Variants in NBAS observed in about 807,000 individuals in gnomAD.
NBAS encodes NBAS subunit of NRZ tethering complex, also known as NAG/BC035112 fusion.
A neutral mutation model predicts 302.5 loss-of-function variants in NBAS; 219 were observed. That is an observed-to-expected ratio of 0.72 (90% CI 0.65 to 0.81). NBAS has a LOEUF of 0.81. Among genes scored for constraint, NBAS ranks in the 30% least tolerant of loss-of-function variants. NBAS has a pLI of 0.00. For missense variants in NBAS, 2,932 were observed against 2,841.6 expected, an observed-to-expected ratio of 1.03 and a Z score of -0.72; for synonymous variants, 1,118 against 1,021.6, an observed-to-expected ratio of 1.09 and a Z score of -1.80.
At chr2:15,251,239 T>C (rs938651007) in intron 44 of NBAS, among the ~76,000 whole-genome samples, 1 of 152,126 alleles carries the variant, frequency 6.6e-6, no homozygotes, top group South Asian at 2.1e-4. Flanking sequence ...TTCTCACTTA[T>C]AAGTGGGAGC....
At chr2:15,535,247 C>T (rs1014899822) in intron 8 of NBAS, among the ~76,000 whole-genome samples, 6 of 152,120 alleles carry the variant, frequency 3.9e-5, no homozygotes, top group Admixed American at 3.3e-4. Flanking sequence ...GTAGGCCAGG[C>T]GCAGTGGCTC....
At chr2:15,539,152 TC>T in intron 7 of NBAS, 70 bp downstream of exon 7, 1 of 1,589,820 alleles carries the variant, frequency 6.3e-7, no homozygotes, top group Non-Finnish European at 8.6e-7. Context: ...CCCTTCACAC[TC>T]TTTTATTCAA....
intron 38 of NBAS, among the ~76,000 whole-genome samples, chr2:15,323,148 T>C (rs1175248771): frequency 6.6e-6 from 1 of 152,134 alleles, no homozygotes; most frequent in Non-Finnish European, 1.5e-5. Context: ...TGCAAGCCCT[T>C]AAAATCCCAT....
At chr2:15,461,433 G>A in intron 20 of NBAS, 96 bp from the exon 21 acceptor site, 1 of 1,297,926 alleles carries the variant, frequency 7.7e-7, no homozygotes, top group Non-Finnish European at 1.1e-6. Flanking sequence ...TTTTTATGCA[G>A]CTCTGATATG....
At chr2:15,297,856 TTGTGTCTGTGTGTG>T (rs746786562) in intron 40 of NBAS, among the ~76,000 whole-genome samples, 5 of 152,156 alleles carry the variant, frequency 3.3e-5, no homozygotes, top group East Asian at 1.9e-4. Flanking sequence ...ATATATGTGC[TTGTGTCTGTGTGTG>T]TGTGTCTGTG....
chr2:15,043,751 T>A, the NBAS span, among the ~76,000 whole-genome samples: 1 of 152,154 alleles, frequency 6.6e-6, no homozygotes, highest in Non-Finnish European at 1.5e-5. Flanking sequence ...AAAACCTGGG[T>A]TCTAAGTCTA....
At chr2:15,466,936 C>CAAAA (rs35850907) in intron 19 of NBAS, among the ~76,000 whole-genome samples, 1 of 133,146 alleles carries the variant, frequency 7.5e-6, no homozygotes, top group African/African-American at 2.8e-5. Flanking sequence ...GATCCTATCT[C>CAAAA]AAAAAAAAAA....
At chr2:15,292,430 A>G in intron 41 of NBAS, 107 bp downstream of exon 41, 1 of 1,174,222 alleles carries the variant, frequency 8.5e-7, no homozygotes, top group South Asian at 1.3e-5. Context: ...ATTCATAGCA[A>G]CCATGAATGT....
chr2:15,001,606 T>TAA, the NBAS span, among the ~76,000 whole-genome samples: 4 of 152,320 alleles, frequency 2.6e-5, no homozygotes, highest in African/African-American at 9.6e-5. Flanking sequence ...CATATATATA[T>TAA]AATACTCTAA....
chr2:15,033,584 A>G, the NBAS span, among the ~76,000 whole-genome samples: 1 of 152,150 alleles, frequency 6.6e-6, no homozygotes, highest in Non-Finnish European at 1.5e-5. Context: ...CTAATTCACA[A>G]TGTGATGGTA....
At chr2:15,043,279 T>G in the NBAS span, among the ~76,000 whole-genome samples, 1 of 152,170 alleles carries the variant, frequency 6.6e-6, no homozygotes, top group Non-Finnish European at 1.5e-5. Flanking sequence ...CTGTGCGTCT[T>G]GGACCCCTGC....
At chr2:15,205,660 C>T (rs929080793) in intron 48 of NBAS, among the ~76,000 whole-genome samples, 1 of 152,246 alleles carries the variant, frequency 6.6e-6, no homozygotes, top group Middle Eastern at 3.4e-3. Flanking sequence ...ATAATCCCCA[C>T]ATTTTAGGGG....
chr2:14,977,570 C>T, the NBAS span, among the ~76,000 whole-genome samples: 3 of 152,196 alleles, frequency 2.0e-5, no homozygotes, highest in African/African-American at 7.2e-5. Context: ...TCACACTTCC[C>T]AAGCTATTTC....
At chr2:14,829,830 T>C in the NBAS span, among the ~76,000 whole-genome samples, 2 of 152,220 alleles carry the variant, frequency 1.3e-5, no homozygotes. Context: ...TCCGCATTCA[T>C]TTTTAGGAAA....
rs921610059 is a variant in NBAS, at chr2:15,190,514, G to T, written c.6433-111C>A. The T allele has an allele frequency of 1.3e-5, 17 of 1,298,990 alleles. No homozygotes were observed. In the Admixed American group the frequency reaches 1.7e-4, roughly 13 times the overall value. The allele number at this position is 1,298,990 out of a possible 1,614,324, so 80.5% of individuals were successfully genotyped here. A position where few individuals can be genotyped will look rare whatever the true frequency, so the allele number is the denominator to read the frequency against. The stretch of plus-strand genomic sequence containing the variant: ...TTTTTTTTAAAATGTTTTACAATGT[G>T]TTAAGATTCAACATCAGAAAAACAA... On this transcript the variant is annotated intron_variant, in intron 48 of 51. Transcript: ENST00000281513.
At chr2:14,929,670 TC>T in the NBAS span, among the ~76,000 whole-genome samples, 1 of 151,794 alleles carries the variant, frequency 6.6e-6, no homozygotes, top group Admixed American at 6.6e-5. Flanking sequence ...AAGCCACCAC[TC>T]CCAGTCCAAC....
chr2:15,450,518 G>A (rs149739980), intron 21 of NBAS, among the ~76,000 whole-genome samples: 6 of 152,126 alleles, frequency 3.9e-5, no homozygotes, highest in African/African-American at 1.4e-4. Flanking sequence ...CACATTTTAA[G>A]ATAGGTGTAT....
intron 47 of NBAS, among the ~76,000 whole-genome samples, chr2:15,221,098 A>T (rs1666930300): frequency 6.6e-6 from 1 of 152,236 alleles, no homozygotes; most frequent in Non-Finnish European, 1.5e-5. Flanking sequence ...AGAAATGGAA[A>T]CAATTAGGGT....
intron 31 of NBAS, among the ~76,000 whole-genome samples, chr2:15,369,881 C>G (rs1329488714): frequency 6.6e-6 from 1 of 152,194 alleles, no homozygotes; most frequent in Non-Finnish European, 1.5e-5. Flanking sequence ...TAACCAGCCA[C>G]CTATATTCCA....
Sources: gnomAD v4.1 joint callset for allele counts (sites outside exome capture counted in the v4.1 genomes callset) on GRCh38, gnomAD v4.1.1 for gene constraint, MANE v1.5 for transcripts, NCBI Gene and HGNC (gene_info 2026-07-23, HGNC 2026-07-21) for gene names.